SPTA1: variants seen among roughly 807,000 people sequenced by gnomAD.
SPTA1 encodes spectrin alpha, erythrocytic 1.
SPTA1 carries 177 observed loss-of-function variants against 324.7 expected under a neutral mutation model. The observed-to-expected ratio is 0.55, with a 90% CI of 0.48 to 0.62. The LOEUF (loss-of-function observed/expected upper bound fraction) is 0.62. Among genes scored for constraint, SPTA1 ranks in the 20% least tolerant of loss-of-function variants. The pLI is 0.00. For synonymous variants in SPTA1, 1,195 were observed against 1,041.3 expected (o/e 1.15, Z -2.84); for missense variants, 3,162 against 2,883.6 (o/e 1.10, Z -2.21).
chr1:158,642,089 C>A (rs972036106), intron 33 of SPTA1, among the ~76,000 whole-genome samples: 1 of 151,758 alleles, frequency 6.6e-6, no homozygotes, highest in Non-Finnish European at 1.5e-5. Context: ...TGTTTTCACT[C>A]ATAGGTGGGA....
In SPTA1 at chr1:158,614,325, AC is replaced by A. The variant is rs1313298219; in HGVS notation, c.6789-20del. 2 of 1,561,298 alleles carry A rather than the reference AC, an allele frequency of 1.3e-6. No individual in the cohort carries two copies. The highest frequency in any genetic ancestry group is 1.1e-5 in the South Asian group (1 of 88,482). On this transcript the variant is annotated intron_variant, in intron 48 of 51. Coordinates refer to ENST00000643759, the MANE Select transcript of SPTA1 (RefSeq NM_003126.4). ...GATGTCCCTGAAAGAAAAAAAAAAA[AC>A]ATGAATTTTCCCTGTATATGAAACA...
chr1:158,645,105 A>G (rs1339490878), intron 29 of SPTA1, 83 bp downstream of exon 29: 2 of 1,447,154 alleles, frequency 1.4e-6, no homozygotes, highest in Non-Finnish European at 1.9e-6. Context: ...AAGTCTAGTG[A>G]ACGGAGCCTG....
At position 158,654,633 on chromosome 1, in the gene SPTA1, G is replaced by T; in HGVS notation, c.3014C>A (p.Thr1005Lys). 1 of 1,613,856 alleles carries T rather than the reference G, an allele frequency of 6.2e-7. No individual in the cohort carries two copies. The highest frequency in any genetic ancestry group is 2.2e-5 in the East Asian group (1 of 44,846). ...EVTMKKGDVL[T>K]LLSSINKDWW... is the part of the protein sequence containing the mutation. ...CACCTTATTGATGGAACTGAGCAGC[G>T]TTAAGACATCACCTTTCTTCATGGT... is the stretch of plus-strand genomic sequence containing the variant. The change falls in exon 21 of 52, where the codon ACG becomes AAG. Residue 1005 changes from threonine (T) to lysine (K), a missense_variant. Thr to Lys is a moderately conservative substitution (Grantham distance 78, BLOSUM62 -1). Transcript: ENST00000643759.
chr1:158,638,874 T>C (rs944034791), intron 35 of SPTA1, among the ~76,000 whole-genome samples: 1 of 151,904 alleles, frequency 6.6e-6, no homozygotes, highest in African/African-American at 2.4e-5. Flanking sequence ...CAGCCACAGA[T>C]TGATTGATTC....
intron 48 of SPTA1, 164 bp from the exon 49 acceptor site, chr1:158,614,470 C>T (rs1041814618): frequency 1.3e-5 from 8 of 617,274 alleles, no homozygotes; most frequent in East Asian, 2.7e-5. Flanking sequence ...TCTAGGCTGC[C>T]ACCTGCTTTT....
At chr1:158,647,475 ACC>A in intron 27 of SPTA1, 62 bp downstream of exon 27, 2 of 1,599,556 alleles carry the variant, frequency 1.3e-6, no homozygotes, top group South Asian at 2.2e-5. Flanking sequence ...CAGCATCTGT[ACC>A]CAGACTGCTC....
chr1:158,655,305 T>A (rs996279675), intron 20 of SPTA1, among the ~76,000 whole-genome samples: 11 of 131,330 alleles, frequency 8.4e-5, no homozygotes, highest in Non-Finnish European at 1.2e-4. Context: ...TCATTAAAAG[T>A]ATCTTGTGTC....
At chr1:158,623,932 T>A (rs1650090909) in intron 42 of SPTA1, among the ~76,000 whole-genome samples, 1 of 152,212 alleles carries the variant, frequency 6.6e-6, no homozygotes, top group African/African-American at 2.4e-5. Flanking sequence ...CTTGGTGCTC[T>A]GCATTCAGCT....
intron 10 of SPTA1, among the ~76,000 whole-genome samples, chr1:158,672,851 C>A (rs960515502): frequency 6.6e-6 from 1 of 151,818 alleles, no homozygotes; most frequent in Non-Finnish European, 1.5e-5. Flanking sequence ...AATGCCAGCA[C>A]TTTGGGAGGC....
In SPTA1 at chr1:158,611,016, G is replaced by T; in HGVS notation, c.*248C>A. 2.0e-6 allele frequency: 1 copy of T among 497,214 alleles called. No individual in the cohort carries two copies. Among genetic ancestry groups the T allele is most frequent in the Non-Finnish European group, 3.7e-6 (1 of 273,180 alleles). 30.8% of individuals were successfully genotyped at this position (497,214 alleles called of 1,614,324 possible). On this transcript the variant is annotated 3_prime_UTR_variant, in exon 52 of 52. Coordinates refer to ENST00000643759, the MANE Select transcript of SPTA1 (RefSeq NM_003126.4). ...ATAGAAACTTTGACACCCCTCAGCA[G>T]TGACTAGTTGCATACAAAATAGCTT...
At chr1:158,648,811 C>T (rs1652199949) in intron 25 of SPTA1, among the ~76,000 whole-genome samples, 158 bp from the exon 26 acceptor site, 1 of 115,910 alleles carries the variant, frequency 8.6e-6, no homozygotes, top group Admixed American at 1.3e-4. Context: ...GTGCTAGAAA[C>T]TTAGGCTCAT....
chr1:158,619,501 C>T (rs1649774587), intron 44 of SPTA1, among the ~76,000 whole-genome samples, 167 bp from the exon 45 acceptor site: 1 of 152,160 alleles, frequency 6.6e-6, no homozygotes, highest in Non-Finnish European at 1.5e-5. Flanking sequence ...CCTCTCTCAC[C>T]TCTAAAATGT....
chr1:158,611,597 A>T, intron 51 of SPTA1: 1 of 517,104 alleles, frequency 1.9e-6, no homozygotes, highest in Non-Finnish European at 3.4e-6. Context: ...CTTGAAAAAG[A>T]GAGCTTACTC....
chr1:158,642,631 T>G, intron 32 of SPTA1, 89 bp from the exon 33 acceptor site: 1 of 1,587,298 alleles, frequency 6.3e-7, no homozygotes, highest in Non-Finnish European at 8.6e-7. Context: ...AGGGCTAATA[T>G]TTCTATCATA....
At chr1:158,612,421 T>A in intron 51 of SPTA1, 1 of 269,478 alleles carries the variant, frequency 3.7e-6, no homozygotes, top group South Asian at 4.1e-5. Flanking sequence ...TGTTTGCTTC[T>A]GTTACAGTGT....
At chr1:158,673,331 G>C (rs1654161235) in intron 10 of SPTA1, among the ~76,000 whole-genome samples, 1 of 152,174 alleles carries the variant, frequency 6.6e-6, no homozygotes, top group African/African-American at 2.4e-5. Context: ...TTGGCATCTA[G>C]TGAGATGCAA....
At chr1:158,625,310 T>C (rs1002302683) in intron 42 of SPTA1, among the ~76,000 whole-genome samples, 1 of 152,190 alleles carries the variant, frequency 6.6e-6, no homozygotes, top group African/African-American at 2.4e-5. Flanking sequence ...ATTAAAAGTA[T>C]CAGTCTGTCA....
chr1:158,620,296 T>C lies in SPTA1; in HGVS notation c.6291A>G (p.Ala2097=), dbSNP rs1348491283. 1 of 1,614,116 alleles carries C rather than the reference T, an allele frequency of 6.2e-7. No homozygotes were observed. The highest frequency in any genetic ancestry group is 8.5e-7 in the Non-Finnish European group (1 of 1,180,024). The stretch of plus-strand genomic sequence containing the variant: ...CTAGCTCCAGCAAACATTTAAAGTC[T>C]GCTTGAGCCCTAGCCAGGGAGGCCA... ...DFLASLARAQ[A]DFKCLLELDQ... The change falls in exon 44 of 52, where the codon GCA becomes GCG. Residue 2097 remains alanine (A), a synonymous_variant. Coordinates refer to ENST00000643759, the MANE Select transcript of SPTA1 (RefSeq NM_003126.4).
chr1:158,666,029 C>T (rs1417592135), intron 16 of SPTA1, among the ~76,000 whole-genome samples: 1 of 152,074 alleles, frequency 6.6e-6, no homozygotes, highest in Non-Finnish European at 1.5e-5. Context: ...GCACCCAGCA[C>T]CCCTGGCTAG....
Sources: gnomAD v4.1 joint callset for allele counts (sites outside exome capture counted in the v4.1 genomes callset) on GRCh38, gnomAD v4.1.1 for gene constraint, MANE v1.5 for transcripts, NCBI Gene and HGNC (gene_info 2026-07-23, HGNC 2026-07-21) for gene names.